Variants in SLC26A7 observed in about 807,000 individuals in gnomAD.
The protein encoded by SLC26A7 is solute carrier family 26 member 7, also known as anion exchange transporter.
In SLC26A7, 59 loss-of-function variants were observed where a neutral mutation model predicts 82.5. The observed-to-expected ratio is 0.72, with a 90% CI of 0.58 to 0.89. The LOEUF is 0.89. SLC26A7 is among the 40% of genes least tolerant of loss of function. SLC26A7 has a pLI of 0.00. For synonymous variants in SLC26A7, 271 were observed against 274.3 expected (o/e 0.99, Z 0.12); for missense variants, 820 against 793.0 (o/e 1.03, Z -0.41).
chr8:91,267,425 C>T (rs182441117), intron 2 of SLC26A7, among the ~76,000 whole-genome samples: 60 of 151,834 alleles, frequency 4.0e-4, no homozygotes, highest in African/African-American at 1.3e-3. Context: ...TTATTATTGC[C>T]TTAATTCCAT....
intron 9 of SLC26A7, among the ~76,000 whole-genome samples, chr8:91,351,469 G>C (rs1315300096): frequency 6.6e-6 from 1 of 151,990 alleles, no homozygotes; most frequent in Non-Finnish European, 1.5e-5. Context: ...ACAACAACAG[G>C]CTAAAGAAAT....
intron 2 of SLC26A7, among the ~76,000 whole-genome samples, chr8:91,281,044 T>C (rs1015739941): frequency 3.3e-5 from 5 of 152,164 alleles, no homozygotes; most frequent in African/African-American, 2.4e-5. Context: ...CTCATCACAA[T>C]TTCTCCCATT....
intron 1 of SLC26A7, among the ~76,000 whole-genome samples, chr8:91,209,796 A>C (rs893249420): frequency 1.2e-4 from 19 of 152,220 alleles, no homozygotes; most frequent in African/African-American, 4.6e-4. Flanking sequence ...ATGTTAAGGG[A>C]ATGAGTAAGC....
chr8:91,344,315 AG>A (rs1172015479), intron 9 of SLC26A7: 1 of 521,536 alleles, frequency 1.9e-6, no homozygotes, highest in Non-Finnish European at 2.5e-6. Flanking sequence ...ATTGGAACCC[AG>A]ATAGATTTAC....
At chr8:91,218,945 C>T in exon 2 of SLC26A7, 1 of 1,550,964 alleles carries the variant, frequency 6.4e-7, no homozygotes, top group East Asian at 2.4e-5. Context: ...TTAATTTGTT[C>T]TTACAAATGT....
At chr8:91,369,947 C>T (rs905990404) in intron 15 of SLC26A7, 114 bp downstream of exon 15, 1 of 809,504 alleles carries the variant, frequency 1.2e-6, no homozygotes. Context: ...TGTTCTTCTT[C>T]TTTTTCTCTC....
At chr8:91,372,592 A>G (rs1412279055) in intron 15 of SLC26A7, among the ~76,000 whole-genome samples, 2 of 151,702 alleles carry the variant, frequency 1.3e-5, no homozygotes, top group East Asian at 1.9e-4. Context: ...TGATCTATGT[A>G]TCTGTTTTTG....
At chr8:91,326,493 C>T (rs538264712) in intron 5 of SLC26A7, among the ~76,000 whole-genome samples, 60 of 152,184 alleles carry the variant, frequency 3.9e-4, no homozygotes, top group Non-Finnish European at 5.7e-4. Context: ...CTTAGGAGGA[C>T]GCCAATCATA....
intron 1 of SLC26A7, among the ~76,000 whole-genome samples, chr8:91,217,891 G>A (rs1810082968): frequency 6.6e-6 from 1 of 152,134 alleles, no homozygotes; most frequent in Non-Finnish European, 1.5e-5. Context: ...ATAGTGCTGT[G>A]TATCCTCTAA....
At chr8:91,333,808 G>A (rs985172857) in intron 5 of SLC26A7, among the ~76,000 whole-genome samples, 3 of 152,174 alleles carry the variant, frequency 2.0e-5, no homozygotes, top group African/African-American at 7.2e-5. Context: ...CTGAATGACT[G>A]AGAACATGTT....
chr8:91,286,050 T>A (rs184270908), intron 2 of SLC26A7, among the ~76,000 whole-genome samples: 1 of 152,344 alleles, frequency 6.6e-6, no homozygotes, highest in East Asian at 1.9e-4. Flanking sequence ...CACTTTCTCA[T>A]CACTAGTGAT....
intron 1 of SLC26A7, among the ~76,000 whole-genome samples, chr8:91,211,428 A>C (rs1809915730): frequency 6.6e-6 from 1 of 151,396 alleles, no homozygotes; most frequent in African/African-American, 2.4e-5. Flanking sequence ...AGATGTTAGC[A>C]GTTAAAAAAA....
At chr8:91,356,851 G>C (rs370187431) in intron 11 of SLC26A7, among the ~76,000 whole-genome samples, 1 of 151,864 alleles carries the variant, frequency 6.6e-6, no homozygotes, top group Non-Finnish European at 1.5e-5. Context: ...GATTTATTTA[G>C]AATTGTAATG....
At chr8:91,306,189 T>A (rs1386963085) in intron 4 of SLC26A7, among the ~76,000 whole-genome samples, 3 of 152,242 alleles carry the variant, frequency 2.0e-5, no homozygotes, top group African/African-American at 7.2e-5. Context: ...GAATGCTTTC[T>A]AATGGTTTTC....
At chr8:91,304,809 A>G (rs757902139) in intron 4 of SLC26A7, among the ~76,000 whole-genome samples, 20 of 152,154 alleles carry the variant, frequency 1.3e-4, no homozygotes, top group Non-Finnish European at 2.2e-4. Flanking sequence ...TGTACTGGGC[A>G]TGTGTCATGT....
At chr8:91,229,532 A>T (rs1554599469) in intron 2 of SLC26A7, among the ~76,000 whole-genome samples, 1 of 152,178 alleles carries the variant, frequency 6.6e-6, no homozygotes, top group Non-Finnish European at 1.5e-5. Context: ...TCCTCTATTC[A>T]GTCATCAGTC....
intron 5 of SLC26A7, among the ~76,000 whole-genome samples, chr8:91,330,567 A>G (rs1813053431): frequency 1.3e-5 from 2 of 152,170 alleles, no homozygotes; most frequent in Admixed American, 1.3e-4. Flanking sequence ...GCCAGAATAA[A>G]ACTAATCTTT....
chr8:91,394,969 C>G (rs933414851), intron 18 of SLC26A7, 93 bp from the exon 19 acceptor site: 9 of 1,400,594 alleles, frequency 6.4e-6, no homozygotes, highest in Non-Finnish European at 8.1e-6. Flanking sequence ...CTTAGCTGGA[C>G]AGCTTGCTTC....
In SLC26A7 at chr8:91,395,167, A is replaced by G. The variant is rs1236263963; in HGVS notation, c.*70A>G. 1 of 1,606,002 alleles carries G rather than the reference A, an allele frequency of 6.2e-7. No individual in the cohort carries two copies. Among genetic ancestry groups the G allele is most frequent in the Non-Finnish European group, 8.5e-7 (1 of 1,176,646 alleles). On this transcript the variant is annotated 3_prime_UTR_variant, in exon 19 of 19. Transcript: ENST00000276609. ...AAGAGGCCATATGCTGGCATTTTGCACAACTTTTTGGTTGTTTAGATCCTA... is the reference window on the plus strand; with the variant it reads ...AAGAGGCCATATGCTGGCATTTTGCGCAACTTTTTGGTTGTTTAGATCCTA...
Sources: gnomAD v4.1 joint callset for allele counts (sites outside exome capture counted in the v4.1 genomes callset) on GRCh38, gnomAD v4.1.1 for gene constraint, MANE v1.5 for transcripts, NCBI Gene and HGNC (gene_info 2026-07-23, HGNC 2026-07-21) for gene names.